The following CDH4 variants were observed in gnomAD, a reference collection of about 807,000 sequenced individuals.
The protein encoded by CDH4 is cadherin-4.
CDH4 carries 33 observed loss-of-function variants against 86.0 expected under a neutral mutation model. The ratio of observed to expected loss-of-function variants is 0.38; its 90% confidence interval spans 0.29 to 0.51. CDH4 has a LOEUF of 0.51. CDH4 is among the 20% of genes least tolerant of loss of function. The pLI is 0.86. For synonymous variants in CDH4, 555 were observed against 549.4 expected (o/e 1.01, Z -0.14); for missense variants, 1,114 against 1,307.4 (o/e 0.85, Z 2.28).
intron 9 of CDH4, among the ~76,000 whole-genome samples, chr20:61,915,975 C>T (rs912096158): frequency 6.6e-6 from 1 of 152,204 alleles, no homozygotes; most frequent in African/African-American, 2.4e-5. Flanking sequence ...TAGAATTCAA[C>T]AGGAGAACCA....
At chr20:61,685,473 C>A (rs574854368) in intron 2 of CDH4, among the ~76,000 whole-genome samples, 1 of 152,238 alleles carries the variant, frequency 6.6e-6, no homozygotes, top group Non-Finnish European at 1.5e-5. Flanking sequence ...CCCTTCATCT[C>A]CCCTGCGGAG....
rs545113318 is a variant in CDH4, at chr20:61,517,863, T to C, written c.170-225700T>C. On this transcript the variant is annotated intron_variant, in intron 2 of 15. Coordinates refer to ENST00000614565, the MANE Select transcript of CDH4 (RefSeq NM_001794.5). This position sits in a 1 kb window ranked among gnomAD's most constrained non-coding sequence, Gnocchi z 6.6. ...CTTATTTCATTTATTCTCAGTTCCG[T>C]CCCATGCAGGTGCCTCACAAAACCC... Among the ~76,000 whole-genome samples, 5 of 152,258 alleles carry C rather than the reference T, an allele frequency of 3.3e-5. No homozygotes were observed. Among genetic ancestry groups the C allele is most frequent in the African/African-American group, 1.2e-4 (5 of 41,556 alleles).
chr20:61,713,303 G>C (rs2087913272), intron 2 of CDH4, among the ~76,000 whole-genome samples: 1 of 152,166 alleles, frequency 6.6e-6, no homozygotes, highest in South Asian at 2.1e-4. Context: ...AAGGTGCATG[G>C]GGTGTCTCCA....
At chr20:61,281,560 C>T (rs2084259005) in intron 2 of CDH4, among the ~76,000 whole-genome samples, 1 of 152,234 alleles carries the variant, frequency 6.6e-6, no homozygotes, top group African/African-American at 2.4e-5. Flanking sequence ...AAGACTGACA[C>T]CAAGTGCTCC....
At chr20:61,447,323 A>ATTTTTTTTTTT (rs71331923) in intron 2 of CDH4, among the ~76,000 whole-genome samples, 110 of 110,832 alleles carry the variant, frequency 9.9e-4, no homozygotes, top group Non-Finnish European at 1.3e-3. Context: ...CGCCCAGCTG[A>ATTTTTTTTTTT]TTTTTTTTTT....
Position 61,480,903 on chromosome 20 carries a change from G to A in CDH4, c.169+225966G>A, listed in dbSNP as rs894219562. Among the ~76,000 whole-genome samples, 1 of 152,208 alleles carries A rather than the reference G, an allele frequency of 6.6e-6. No individual in the cohort carries two copies. Among genetic ancestry groups the A allele is most frequent in the African/African-American group, 2.4e-5 (1 of 41,460 alleles). On this transcript the variant is annotated intron_variant, in intron 2 of 15. Coordinates refer to ENST00000614565, the MANE Select transcript of CDH4 (RefSeq NM_001794.5). This position sits in a 1 kb window ranked among gnomAD's most constrained non-coding sequence, Gnocchi z 5.2. ...ACATGCATTGCCCTCACATGGATTT[G>A]TGCGACCAAGATTATACAACTCGGA...
At chr20:61,662,459 G>A (rs1053631382) in intron 2 of CDH4, among the ~76,000 whole-genome samples, 8 of 152,228 alleles carry the variant, frequency 5.3e-5, no homozygotes, top group African/African-American at 1.9e-4. Context: ...TTGGGAGGAC[G>A]AGGGCGGCTG....
At chr20:61,340,095 A>G (rs978163088) in intron 2 of CDH4, among the ~76,000 whole-genome samples, 1 of 152,246 alleles carries the variant, frequency 6.6e-6, no homozygotes, top group Admixed American at 6.5e-5. Context: ...CCCATCATTT[A>G]AAACTTTGAA....
At chr20:61,817,431 C>T (rs970690984) in intron 4 of CDH4, among the ~76,000 whole-genome samples, 4 of 152,204 alleles carry the variant, frequency 2.6e-5, no homozygotes, top group African/African-American at 9.7e-5. Context: ...CCCCACCCCC[C>T]AAATGGATCT....
chr20:61,919,208 G>A (rs868170560), intron 9 of CDH4, among the ~76,000 whole-genome samples: 11 of 152,290 alleles, frequency 7.2e-5, no homozygotes, highest in Middle Eastern at 3.4e-3. Context: ...TTTTTGTACT[G>A]AAATATCTTA....
At chr20:61,479,789 C>T (rs974970014) in intron 2 of CDH4, among the ~76,000 whole-genome samples, 1 of 152,162 alleles carries the variant, frequency 6.6e-6, no homozygotes, top group Non-Finnish European at 1.5e-5. Flanking sequence ...TGGCTTTTGT[C>T]ACTCTGCCCC....
chr20:61,699,775 G>A (rs1011148350), intron 2 of CDH4, among the ~76,000 whole-genome samples: 8 of 135,896 alleles, frequency 5.9e-5, no homozygotes, highest in Non-Finnish European at 1.0e-4. Flanking sequence ...GCGGACCCGG[G>A]GCTTTCACCG....
At chr20:61,331,581 G>C (rs1029932561) in intron 2 of CDH4, among the ~76,000 whole-genome samples, 39 of 83,844 alleles carry the variant, frequency 4.7e-4, no homozygotes, top group Admixed American at 8.6e-4. Flanking sequence ...CTGACCACCT[G>C]CCCCAGGCCC....
chr20:61,501,378 T>C lies in CDH4; in HGVS notation c.170-242185T>C, dbSNP rs530137037. ...AGAGCATTGGGGTGACTGAGACAAATGGAGTGTGGCCTGCTTGGGAAATGC... is the reference window on the plus strand; with the variant it reads ...AGAGCATTGGGGTGACTGAGACAAACGGAGTGTGGCCTGCTTGGGAAATGC... On this transcript the variant is annotated intron_variant, in intron 2 of 15. Transcript: ENST00000614565. This position sits in a 1 kb window ranked among gnomAD's most constrained non-coding sequence, Gnocchi z 4.2. Among the ~76,000 whole-genome samples, 5 of 152,162 alleles carry C rather than the reference T, an allele frequency of 3.3e-5. No homozygotes were observed. The South Asian group carries it at 1.0e-3, about 32-fold the overall frequency.
chr20:61,376,508 G>A (rs2084873182), intron 2 of CDH4, among the ~76,000 whole-genome samples: 1 of 152,180 alleles, frequency 6.6e-6, no homozygotes, highest in East Asian at 1.9e-4. Context: ...GGGACTGAGA[G>A]GGACATGGTG....
rs549072794 is a variant in CDH4, at chr20:61,367,789, T to C, written c.169+112852T>C. Among the ~76,000 whole-genome samples, 3 of 151,954 alleles carry C rather than the reference T, an allele frequency of 2.0e-5. No homozygotes were observed. The South Asian group carries it at 6.3e-4, about 32-fold the overall frequency. On this transcript the variant is annotated intron_variant, in intron 2 of 15. Transcript: ENST00000614565. ...TCAGGTCAGAAGCCTCCGTAGATGCTGAAACTACTGAGTGGAAGTTTGAGG... is the reference window on the plus strand; with the variant it reads ...TCAGGTCAGAAGCCTCCGTAGATGCCGAAACTACTGAGTGGAAGTTTGAGG...
intron 2 of CDH4, among the ~76,000 whole-genome samples, chr20:61,275,185 A>T (rs1167464805): frequency 9.7e-6 from 1 of 103,558 alleles, no homozygotes; most frequent in Non-Finnish European, 1.8e-5. Context: ...GGGAAGTACC[A>T]TGTGCAGTTT....
chr20:61,424,107 TAC>T (rs1191639942), intron 2 of CDH4, among the ~76,000 whole-genome samples: 2 of 150,634 alleles, frequency 1.3e-5, no homozygotes, highest in East Asian at 2.0e-4. Flanking sequence ...TACACACATA[TAC>T]ACACATAGCA....
At chr20:61,801,523 C>G (rs929706154) in intron 4 of CDH4, among the ~76,000 whole-genome samples, 1 of 152,200 alleles carries the variant, frequency 6.6e-6, no homozygotes, top group Non-Finnish European at 1.5e-5. Flanking sequence ...TCACCACAAA[C>G]CAGGTGGCAG....
Sources: gnomAD v4.1 joint callset for allele counts (sites outside exome capture counted in the v4.1 genomes callset) on GRCh38, gnomAD v4.1.1 for gene constraint, Gnocchi (gnomAD v3.1) non-coding constraint, MANE v1.5 for transcripts, NCBI Gene and HGNC (gene_info 2026-07-23, HGNC 2026-07-21) for gene names.